ABCB1: variants seen among roughly 807,000 people sequenced by gnomAD.
ABCB1 encodes ATP binding cassette subfamily B member 1.
Under a neutral mutation model 142.0 loss-of-function variants are expected in ABCB1, and 69 were observed. The ratio of observed to expected loss-of-function variants is 0.49; its 90% CI spans 0.40 to 0.59. The LOEUF is 0.59. Ranked by LOEUF, ABCB1 falls within the 20% of genes least tolerant of loss-of-function variation. The pLI is 0.00. For synonymous variants in ABCB1, 532 were observed against 539.2 expected, an observed-to-expected ratio of 0.99 and a Z score of 0.18; for missense variants, 1,326 against 1,554.7, an observed-to-expected ratio of 0.85 and a Z score of 2.47.
rs200895575 is a variant in ABCB1, at chr7:87,561,409, G to A, written c.703-22C>T. 6 of 1,598,514 alleles carry A rather than the reference G, an allele frequency of 3.8e-6. No homozygotes were observed. In the African/African-American group the frequency reaches 8.1e-5, roughly 22 times the overall value. On this transcript the variant is annotated intron_variant, in intron 7 of 27. Coordinates refer to ENST00000622132, the MANE Select transcript of ABCB1 (RefSeq NM_001348946.2). ...GTATCTGTTTAAAAATACAATTTTG[G>A]ATCATGAAAAAAACACGTTAATTTT...
chr7:87,544,711 A>G, intron 16 of ABCB1, 112 bp downstream of exon 16: 1 of 1,038,240 alleles, frequency 9.6e-7, no homozygotes, highest in South Asian at 1.3e-5. Flanking sequence ...GGGATAGGAC[A>G]GGAGGATTCT....
At chr7:87,644,023 T>A (rs1006406171) in intron 1 of ABCB1, among the ~76,000 whole-genome samples, 1 of 152,196 alleles carries the variant, frequency 6.6e-6, no homozygotes, top group Non-Finnish European at 1.5e-5. Flanking sequence ...CATACCTGGA[T>A]AATTTTTATA....
intron 1 of ABCB1, among the ~76,000 whole-genome samples, chr7:87,606,261 T>C (rs1819648797): frequency 6.6e-6 from 1 of 152,046 alleles, no homozygotes; most frequent in African/African-American, 2.4e-5. Flanking sequence ...AAATGCAAAT[T>C]ACAACAGCAA....
intron 1 of ABCB1, chr7:87,713,021 C>T (rs1830226009): frequency 6.6e-6 from 1 of 152,034 alleles, no homozygotes; most frequent in Non-Finnish European, 1.5e-5. Flanking sequence ...CCTATTTACA[C>T]TAATTTTTTT....
chr7:87,551,579 C>T (rs1357554559), intron 9 of ABCB1, among the ~76,000 whole-genome samples: 5 of 152,114 alleles, frequency 3.3e-5, no homozygotes, highest in Admixed American at 2.6e-4. Context: ...GCAACTTCAA[C>T]CTCTGGGTTC....
At chr7:87,522,513 G>T in intron 21 of ABCB1, 1 of 496,614 alleles carries the variant, frequency 2.0e-6, no homozygotes. Flanking sequence ...GACAAGCACA[G>T]TGGTGGCAGG....
At chr7:87,640,113 T>C (rs1477746819) in intron 1 of ABCB1, among the ~76,000 whole-genome samples, 3 of 150,338 alleles carry the variant, frequency 2.0e-5, no homozygotes, top group Non-Finnish European at 4.4e-5. Flanking sequence ...TTAATGCAAA[T>C]TGTAACTTTT....
chr7:87,570,054 A>C (rs1421373026), intron 5 of ABCB1, 118 bp downstream of exon 5: 9 of 904,812 alleles, frequency 9.9e-6, no homozygotes, highest in Non-Finnish European at 1.6e-5. Flanking sequence ...TCTTCTAAAA[A>C]CTATCAAGAG....
In ABCB1 at chr7:87,622,293, G is replaced by T. The variant is rs539636313; in HGVS notation, c.-330-21215C>A. On this transcript the variant is annotated intron_variant, in intron 1 of 28. Coordinates refer to the ABCB1 transcript ENST00000265724. ...GAAAATATGGGTAAAGGGCATGAACGGGCAAAACATAAATGAACAATAAGT... is the reference window on the plus strand; with the variant it reads ...GAAAATATGGGTAAAGGGCATGAACTGGCAAAACATAAATGAACAATAAGT... Among the ~76,000 whole-genome samples, 3 of 152,066 alleles carry T rather than the reference G, an allele frequency of 2.0e-5. No homozygotes were observed. In the South Asian group the frequency reaches 6.2e-4, roughly 32 times the overall value.
chr7:87,553,997 G>C (rs1184390432), intron 8 of ABCB1, 65 bp from the exon 9 acceptor site: 2 of 1,457,748 alleles, frequency 1.4e-6, no homozygotes, highest in African/African-American at 2.8e-5. Context: ...TAGCATGATA[G>C]TTACAGAGTG....
At chr7:87,568,368 C>T (rs920185016) in intron 5 of ABCB1, among the ~76,000 whole-genome samples, 2 of 150,056 alleles carry the variant, frequency 1.3e-5, no homozygotes, top group South Asian at 2.1e-4. Flanking sequence ...GCACAGAGAT[C>T]GTGCCACTAC....
chr7:87,594,350 C>T (rs937261690), intron 3 of ABCB1, among the ~76,000 whole-genome samples: 4 of 152,112 alleles, frequency 2.6e-5, no homozygotes, highest in African/African-American at 9.7e-5. Flanking sequence ...TAGGACAATG[C>T]TTGGCACACA....
chr7:87,506,393 T>C (rs1257218655), intron 26 of ABCB1, among the ~76,000 whole-genome samples: 1 of 152,188 alleles, frequency 6.6e-6, no homozygotes, highest in Non-Finnish European at 1.5e-5. Flanking sequence ...GAACAAAGTA[T>C]TCATAATAAA....
chr7:87,650,207 G>C (rs759457876), intron 1 of ABCB1, among the ~76,000 whole-genome samples: 2 of 152,162 alleles, frequency 1.3e-5, no homozygotes, highest in Non-Finnish European at 2.9e-5. Context: ...GTCACATTTT[G>C]ATTTTAATGG....
chr7:87,660,437 A>G (rs1169599784), intron 1 of ABCB1, among the ~76,000 whole-genome samples: 1 of 152,138 alleles, frequency 6.6e-6, no homozygotes, highest in East Asian at 1.9e-4. Context: ...AAAGTAGATT[A>G]ATTCAGCTGA....
intron 8 of ABCB1, among the ~76,000 whole-genome samples, chr7:87,556,747 CAT>C (rs1817328691): frequency 6.6e-6 from 1 of 152,120 alleles, no homozygotes; most frequent in Admixed American, 6.6e-5. Context: ...AATCTGAAAA[CAT>C]AACGTGGATA....
At chr7:87,650,947 C>T (rs746397167) in intron 1 of ABCB1, 5 of 1,434,722 alleles carry the variant, frequency 3.5e-6, no homozygotes, top group East Asian at 2.3e-5. Flanking sequence ...GGTAAAAGCA[C>T]TAATGTACTA....
At chr7:87,696,590 C>T (rs927769562) in intron 1 of ABCB1, among the ~76,000 whole-genome samples, 1 of 152,022 alleles carries the variant, frequency 6.6e-6, no homozygotes, top group South Asian at 2.1e-4. Context: ...GAGAATCTAC[C>T]TTCTCTTGAA....
chr7:87,629,669 T>G (rs1821000128), intron 1 of ABCB1, among the ~76,000 whole-genome samples: 1 of 152,188 alleles, frequency 6.6e-6, no homozygotes, highest in Non-Finnish European at 1.5e-5. Flanking sequence ...GGCTTACACC[T>G]GTAATCCTAG....
Sources: allele counts gnomAD v4.1 joint callset (sites outside exome capture counted in the v4.1 genomes callset), GRCh38; gene constraint gnomAD v4.1.1; transcripts MANE v1.5; gene names NCBI Gene and HGNC (gene_info 2026-07-23, HGNC 2026-07-21).